RP2: variants seen among roughly 807,000 people sequenced by gnomAD.
The protein encoded by RP2 is protein XRP2.
A neutral mutation model predicts 20.3 loss-of-function variants in RP2; 3 were observed. That is an observed-to-expected ratio of 0.15 (90% CI 0.07 to 0.38). The LOEUF is 0.38. Ranked by LOEUF, RP2 falls within the 10% of genes least tolerant of loss-of-function variation. The probability of loss-of-function intolerance (pLI) is 1.00; values close to 1 mark genes in which losing one functional copy is unlikely to be tolerated. For synonymous variants in RP2, 75 were observed against 94.8 expected (o/e 0.79, Z 1.22); for missense variants, 233 against 268.5 (o/e 0.87, Z 0.92).
At chrX:46,839,278 A>C (rs954177012) in intron 1 of RP2, among the ~76,000 whole-genome samples, 3 of 111,826 alleles carry the variant, frequency 2.7e-5, no homozygotes, top group Non-Finnish European at 5.6e-5. Flanking sequence ...AGGGCCAGGC[A>C]TGGTGACTCA....
intron 1 of RP2, among the ~76,000 whole-genome samples, chrX:46,838,646 A>G (rs1924559906): frequency 8.9e-6 from 1 of 112,545 alleles, no homozygotes; most frequent in Non-Finnish European, 1.9e-5. Flanking sequence ...TTGGCTGCCT[A>G]TGACTCATCG....
chrX:46,850,330 A>G (rs782482134), intron 1 of RP2, among the ~76,000 whole-genome samples: 1 of 111,790 alleles, frequency 8.9e-6, no homozygotes, highest in South Asian at 3.7e-4. Context: ...CTTCTTCCCT[A>G]CTAATTACAG....
At chrX:46,864,780 G>A (rs1925141002) in intron 3 of RP2, among the ~76,000 whole-genome samples, 1 of 111,908 alleles carries the variant, frequency 8.9e-6, no homozygotes, top group Non-Finnish European at 1.9e-5. Context: ...CCCTTGGAAT[G>A]TTCCTTTTTT....
Position 46,856,194 on chromosome X carries a change from T to A in RP2, c.768+2053T>A, listed in dbSNP as rs1253672901. Among the ~76,000 whole-genome samples, 3 of 111,869 alleles carry A rather than the reference T, an allele frequency of 2.7e-5. No homozygotes were observed. The East Asian group carries it at 8.3e-4, about 31-fold the overall frequency. ...TAATTATTTAGGTTAAACTCCTTTT[T>A]CATAGGTAATGAGGAGTGGACATAA... On this transcript the variant is annotated intron_variant, in intron 2 of 4. Transcript: ENST00000218340.
chrX:46,848,486 C>T (rs1348225220), intron 1 of RP2, among the ~76,000 whole-genome samples: 2 of 104,901 alleles, frequency 1.9e-5, no homozygotes, highest in Non-Finnish European at 3.9e-5. Context: ...TGGGTTCAAG[C>T]GATTCTCCTG....
chrX:46,845,240 T>A (rs781812990), intron 1 of RP2, among the ~76,000 whole-genome samples: 7 of 111,849 alleles, frequency 6.3e-5, no homozygotes, highest in African/African-American at 2.3e-4. Flanking sequence ...AGTTTTATAT[T>A]ATTATTGAGA....
intron 1 of RP2, among the ~76,000 whole-genome samples, chrX:46,845,257 A>C (rs575281637): frequency 8.9e-6 from 1 of 111,732 alleles, no homozygotes; most frequent in East Asian, 2.8e-4. Flanking sequence ...GAGAGAAACT[A>C]TTTGTCCTGT....
chrX:46,846,767 AG>A (rs1487899703), intron 1 of RP2, among the ~76,000 whole-genome samples: 3 of 111,378 alleles, frequency 2.7e-5, no homozygotes, highest in Non-Finnish European at 5.6e-5. Flanking sequence ...TCAGTCTCCC[AG>A]GTTGGAGTAC....
chrX:46,873,500 C>T (rs1443065296), intron 3 of RP2, among the ~76,000 whole-genome samples: 2 of 111,912 alleles, frequency 1.8e-5, no homozygotes, highest in Admixed American at 9.5e-5. Flanking sequence ...GTGTTGTCAA[C>T]ATTGTAGTTT....
Position 46,853,841 on chromosome X carries a change from T to A in RP2, c.468T>A (p.Ala156=). 2.5e-6 allele frequency: 3 copies of A among 1,211,997 alleles called. No homozygotes were observed. Among genetic ancestry groups the A allele is most frequent in the Non-Finnish European group, 3.3e-6 (3 of 895,568 alleles). The change falls in exon 2 of 5, where the codon GCT becomes GCA. Residue 156 remains alanine (A), a synonymous_variant. Coordinates refer to ENST00000218340, the MANE Select transcript of RP2 (RefSeq NM_006915.3). ...TTCAATGGTACTATCCTGAATTAGC[T>A]TTCCAGTTCAAAGATGCAGGGCTAA... ...GCFQWYYPEL[A]FQFKDAGLSI...
At chrX:46,875,263 G>A (rs183201621) in intron 3 of RP2, among the ~76,000 whole-genome samples, 3 of 104,430 alleles carry the variant, frequency 2.9e-5, no homozygotes, top group East Asian at 2.9e-4. Context: ...TTTAATAGGC[G>A]TTGCAAAATG....
intron 1 of RP2, among the ~76,000 whole-genome samples, chrX:46,847,931 T>C (rs1602345971): frequency 3.5e-4 from 1 of 2,871 alleles, no homozygotes; most frequent in Non-Finnish European, 6.7e-4. Context: ...TGTATATACA[T>C]ATATATATAT....
At chrX:46,842,066 C>A (rs1924631813) in intron 1 of RP2, among the ~76,000 whole-genome samples, 1 of 111,751 alleles carries the variant, frequency 8.9e-6, no homozygotes, top group African/African-American at 3.3e-5. Flanking sequence ...GCGCGTGCCA[C>A]CACACCCAGC....
intron 1 of RP2, among the ~76,000 whole-genome samples, chrX:46,838,296 C>T (rs782432910): frequency 8.9e-6 from 1 of 112,133 alleles, no homozygotes; most frequent in Non-Finnish European, 1.9e-5. Flanking sequence ...CTTTTCTCAG[C>T]CCCGTCTTTC....
At position 46,847,787 on chromosome X, in the gene RP2, CAT is replaced by C. The variant is rs782799883; in HGVS notation, c.103-5688_103-5687del. Among the ~76,000 whole-genome samples, 758 of 82,621 alleles carry C rather than the reference CAT, an allele frequency of 9.2e-3. 9 individuals are homozygous for C. Among genetic ancestry groups the C allele is most frequent in the African/African-American group, 0.019 (354 of 18,615 alleles). 71.7% of individuals were successfully genotyped at this position (82,621 alleles called of 115,157 possible). On this transcript the variant is annotated intron_variant, in intron 1 of 4. Coordinates refer to ENST00000218340, the MANE Select transcript of RP2 (RefSeq NM_006915.3). ...ACACATGTGTGTGTGTACATACACA[CAT>C]GTGTGTGTGTATATATATACACACA...
At chrX:46,837,404 G>A (rs1373851777) in intron 1 of RP2, among the ~76,000 whole-genome samples, 1 of 111,703 alleles carries the variant, frequency 9.0e-6, no homozygotes, top group Non-Finnish European at 1.9e-5. Context: ...GGGCTGTGGA[G>A]CTCCGGAAGG....
At chrX:46,846,392 C>T (rs1443974615) in intron 1 of RP2, among the ~76,000 whole-genome samples, 3 of 109,984 alleles carry the variant, frequency 2.7e-5, no homozygotes, top group African/African-American at 9.9e-5. Context: ...GTTCAAGACC[C>T]GCTTGGGCAA....
At chrX:46,840,344 C>T (rs782111862) in intron 1 of RP2, among the ~76,000 whole-genome samples, 1 of 111,753 alleles carries the variant, frequency 8.9e-6, no homozygotes, top group African/African-American at 3.2e-5. Context: ...TTGGGTCAGT[C>T]TTAGGGGACT....
intron 3 of RP2, among the ~76,000 whole-genome samples, chrX:46,864,533 C>T (rs1925134734): frequency 9.1e-6 from 1 of 109,411 alleles, no homozygotes; most frequent in Non-Finnish European, 1.9e-5. Flanking sequence ...ACCTCAGCCT[C>T]CTGGGTAGCT....
Sources: gnomAD v4.1 joint callset for allele counts (sites outside exome capture counted in the v4.1 genomes callset) on GRCh38, gnomAD v4.1.1 for gene constraint, MANE v1.5 for transcripts, NCBI Gene and HGNC (gene_info 2026-07-23, HGNC 2026-07-21) for gene names.